The following ZNF331 variants were observed in gnomAD, a reference collection of about 807,000 sequenced individuals.
ZNF331 encodes the protein C2H2-like zinc finger protein rearranged in thyroid adenomas.
In ZNF331, 2 loss-of-function variants were observed where a neutral mutation model predicts 7.0. The ratio of observed to expected loss-of-function variants is 0.29; its 90% CI spans 0.12 to 0.90. The LOEUF is 0.90. ZNF331 is among the 40% of genes least tolerant of loss of function. ZNF331 has a pLI of 0.58. For missense variants in ZNF331, 432 were observed against 587.7 expected, an observed-to-expected ratio of 0.74 and a Z score of 2.74; for synonymous variants, 196 against 205.4, an observed-to-expected ratio of 0.95 and a Z score of 0.39.
the ZNF331 span, among the ~76,000 whole-genome samples, chr19:53,510,344 C>T: frequency 2.6e-5 from 4 of 152,004 alleles, no homozygotes; most frequent in South Asian, 8.3e-4. Context: ...GATTAGGGAA[C>T]TCGGGGTAGG....
chr19:53,572,525 T>A (rs971364030), intron 5 of ZNF331, among the ~76,000 whole-genome samples: 4 of 139,774 alleles, frequency 2.9e-5, no homozygotes, highest in African/African-American at 1.1e-4. Flanking sequence ...TATATATATT[T>A]TATATATATA....
At chr19:53,512,922 G>T in the ZNF331 span, among the ~76,000 whole-genome samples, 2 of 150,242 alleles carry the variant, frequency 1.3e-5, no homozygotes, top group South Asian at 2.1e-4. Flanking sequence ...CACCAAACCA[G>T]TCCCTGGTGC....
intron 2 of ZNF331, 23 bp from the exon 3 acceptor site, chr19:53,555,822 C>T (rs1017035670): frequency 2.0e-5 from 3 of 152,126 alleles, no homozygotes; most frequent in African/African-American, 7.2e-5. Flanking sequence ...CAGGTGTTAC[C>T]CTTCTGGTTC....
At chr19:53,576,203 C>T (rs922933265) in intron 5 of ZNF331, among the ~76,000 whole-genome samples, 1 of 152,058 alleles carries the variant, frequency 6.6e-6, no homozygotes, top group Non-Finnish European at 1.5e-5. Context: ...AAGCTGGTCT[C>T]GGACTCCCGA....
At chr19:53,557,554 A>C (rs1338647862) in intron 3 of ZNF331, among the ~76,000 whole-genome samples, 1 of 152,190 alleles carries the variant, frequency 6.6e-6, no homozygotes, top group Non-Finnish European at 1.5e-5. Flanking sequence ...TAAAATACTT[A>C]GTTTTGTCAG....
chr19:53,532,084 A>G (rs2087564105), intron 2 of ZNF331, among the ~76,000 whole-genome samples: 1 of 152,190 alleles, frequency 6.6e-6, no homozygotes, highest in African/African-American at 2.4e-5. Context: ...TGAATAACAT[A>G]CCCTTCACCT....
At chr19:53,536,956 G>T (rs982661843), upstream of ZNF331, among the ~76,000 whole-genome samples, 1 of 152,126 alleles carries the variant, frequency 6.6e-6, no homozygotes. Context: ...TCTGGGTAAC[G>T]TCAGTGGATT....
rs1410987919 is a variant in ZNF331 at position 53,576,679 on chromosome 19, T to A, written c.137-18T>A. On this transcript the variant is annotated intron_variant, in intron 5 of 5. Coordinates refer to ENST00000449416, the MANE Select transcript of ZNF331 (RefSeq NM_001079906.2). The stretch of plus-strand genomic sequence containing the variant: ...TTGTGTCCCTCTAAAGGAAAGAAAA[T>A]ATGTTCTTTTTTCCCAGATTTGGAG... 1 of 1,581,950 alleles carries A rather than the reference T, an allele frequency of 6.3e-7. No individual in the cohort carries two copies. Among genetic ancestry groups the A allele is most frequent in the Non-Finnish European group, 8.6e-7 (1 of 1,166,672 alleles).
chr19:53,546,953 G>T (rs2088657509), intron 2 of ZNF331, among the ~76,000 whole-genome samples: 1 of 152,088 alleles, frequency 6.6e-6, no homozygotes. Context: ...GCAGAGGTTG[G>T]CAGCTGTCTT....
intron 2 of ZNF331, among the ~76,000 whole-genome samples, chr19:53,550,572 T>A (rs1264057680): frequency 7.3e-6 from 1 of 136,416 alleles, no homozygotes; most frequent in Admixed American, 7.8e-5. Context: ...AGTCTCGCTG[T>A]ATCACCCATG....
intron 2 of ZNF331, among the ~76,000 whole-genome samples, chr19:53,542,428 C>A (rs548886010): frequency 1.3e-5 from 2 of 152,292 alleles, no homozygotes; most frequent in Admixed American, 1.3e-4. Flanking sequence ...TACGGACTTT[C>A]CATGTGACAT....
In ZNF331 at chr19:53,571,671, C is replaced by T. The variant is rs1266379691; in HGVS notation, c.77C>T (p.Ala26Val). The change falls in exon 5 of 6, where the codon GCT becomes GTT. Residue 26 changes from alanine (A) to valine (V), a missense_variant. Around this residue, in one of 3 missense-constraint regions of ZNF331, gnomAD observed 39 missense variants for 68.8 expected, o/e 0.57. Coordinates refer to ENST00000449416, the MANE Select transcript of ZNF331 (RefSeq NM_001079906.2). The surrounding 1 kb of genome is among the most constrained non-coding windows in gnomAD (Gnocchi z 4.7). ...GAGGAGTGGGCCTGTCTGAACTCTG[C>T]TCAGAGGGACCTGTACTGGGACGTG... Reference protein sequence around the residue: ...SQEEWACLNSAQRDLYWDVML... With the variant: ...SQEEWACLNSVQRDLYWDVML... 6.2e-7 allele frequency: 1 copy of T among 1,614,090 alleles called. No individual in the cohort carries two copies. The highest frequency in any genetic ancestry group is 1.7e-5 in the Admixed American group (1 of 59,996).
At chr19:53,535,385 C>T (rs531363968), upstream of ZNF331, among the ~76,000 whole-genome samples, 13 of 152,262 alleles carry the variant, frequency 8.5e-5, no homozygotes, top group East Asian at 1.9e-4. Context: ...AGCCACTGTC[C>T]GGCCGTAATT....
chr19:53,534,878 C>G (rs2087681417), upstream of ZNF331, among the ~76,000 whole-genome samples: 1 of 152,110 alleles, frequency 6.6e-6, no homozygotes, highest in African/African-American at 2.4e-5. Flanking sequence ...AGTAACAGGC[C>G]TGTCCATCAA....
intron 2 of ZNF331, among the ~76,000 whole-genome samples, chr19:53,548,423 A>AT (rs931309705): frequency 3.3e-5 from 5 of 151,508 alleles, no homozygotes; most frequent in Admixed American, 1.3e-4. Flanking sequence ...TGCCCGACTA[A>AT]TTTTTCAATT....
upstream of ZNF331, among the ~76,000 whole-genome samples, chr19:53,518,648 A>G (rs1009933657): frequency 1.3e-5 from 2 of 150,730 alleles, no homozygotes; most frequent in African/African-American, 5.0e-5. Flanking sequence ...GTACTTAATC[A>G]ATATATATAA....
chr19:53,567,055 T>C (rs1385957419), intron 3 of ZNF331, among the ~76,000 whole-genome samples: 1 of 152,192 alleles, frequency 6.6e-6, no homozygotes, highest in Admixed American at 6.5e-5. Flanking sequence ...CATTCTGTTT[T>C]GGTAACCTAA....
chr19:53,504,952 G>A, the ZNF331 span, among the ~76,000 whole-genome samples: 153 of 152,310 alleles, frequency 1.0e-3, 1 homozygote, highest in African/African-American at 3.3e-3. Context: ...CTGGAATGGG[G>A]CTGTTGTGTG....
upstream of ZNF331, among the ~76,000 whole-genome samples, chr19:53,533,546 A>AT (rs1247811383): frequency 2.0e-5 from 3 of 152,156 alleles, no homozygotes; most frequent in Admixed American, 6.5e-5. Context: ...TTCCTTATTG[A>AT]TTTTCTGCTG....
Sources: gnomAD v4.1 joint callset for allele counts (sites outside exome capture counted in the v4.1 genomes callset) on GRCh38, gnomAD v4.1.1 for gene constraint, gnomAD v4.1.1 regional missense constraint, Gnocchi (gnomAD v3.1) non-coding constraint, MANE v1.5 for transcripts, NCBI Gene and HGNC (gene_info 2026-07-23, HGNC 2026-07-21) for gene names.